LIPA: variants seen among roughly 807,000 people sequenced by gnomAD.
LIPA encodes lipase A, lysosomal acid type.
LIPA carries 26 observed loss-of-function variants against 40.6 expected under a neutral mutation model. The observed-to-expected ratio is 0.64, with a 90% CI of 0.47 to 0.89. The LOEUF is 0.89. Among genes scored for constraint, LIPA ranks in the 40% least tolerant of loss-of-function variants. LIPA has a pLI of 0.00. For synonymous variants in LIPA, 188 were observed against 168.4 expected (o/e 1.12, Z -0.90); for missense variants, 455 against 479.6 (o/e 0.95, Z 0.48).
chr10:89,322,940 C>T (rs1259335939), intron 1 of LIPA, among the ~76,000 whole-genome samples: 1 of 152,174 alleles, frequency 6.6e-6, no homozygotes, highest in Non-Finnish European at 1.5e-5. Flanking sequence ...CCCAGTGGTT[C>T]CACTTCTGTC....
chr10:89,308,426 C>T (rs1025631974), intron 1 of LIPA: 4 of 152,076 alleles, frequency 2.6e-5, no homozygotes, highest in Admixed American at 2.0e-4. Flanking sequence ...GACTAAGGGC[C>T]TGGTGCAAGG....
At chr10:89,389,911 A>T (rs1844233353) in intron 2 of LIPA, among the ~76,000 whole-genome samples, 1 of 151,888 alleles carries the variant, frequency 6.6e-6, no homozygotes, top group African/African-American at 2.4e-5. Context: ...CATTAGGGAT[A>T]ATTGAGGCCC....
chr10:89,376,207 A>G (rs966929924), intron 2 of LIPA, among the ~76,000 whole-genome samples: 2 of 150,876 alleles, frequency 1.3e-5, no homozygotes, highest in African/African-American at 4.9e-5. Context: ...AAAAAAAAAA[A>G]AAGAAGAAGA....
chr10:89,313,009 C>T (rs888543008), intron 1 of LIPA, among the ~76,000 whole-genome samples: 3 of 152,100 alleles, frequency 2.0e-5, no homozygotes, highest in South Asian at 2.1e-4. Context: ...TTCAATCACA[C>T]GAGCACACAC....
At position 89,226,961 on chromosome 10, in the gene LIPA, A is replaced by G; in HGVS notation, c.472T>C (p.Phe158Leu). 5 of 1,613,600 alleles carry G rather than the reference A, an allele frequency of 3.1e-6. No individual in the cohort carries two copies. The highest frequency in any genetic ancestry group is 1.7e-4 in the Middle Eastern group (1 of 5,960). ...AKYDLPASINFILNKTGQEQV... is the reference protein window; with the variant it reads ...AKYDLPASINLILNKTGQEQV... ...TCTTGGCCAGTTTTATTCAGAATGA[A>G]GTTAATGGAAGCTGGTAGGTCATAT... The change falls in exon 5 of 10, where the codon TTC (phenylalanine) becomes CTC (leucine). Residue 158 changes from phenylalanine to leucine, a missense_variant. Transcript: ENST00000336233.
intron 1 of LIPA, among the ~76,000 whole-genome samples, chr10:89,295,930 A>G (rs945952225): frequency 6.6e-6 from 1 of 152,248 alleles, no homozygotes; most frequent in Non-Finnish European, 1.5e-5. Flanking sequence ...CTGTGGTAAC[A>G]TTATATACAG....
rs1390561487 is a variant in LIPA at position 89,247,626 on chromosome 10, A to C, written c.23T>G (p.Leu8Trp). 6.2e-7 allele frequency: 1 copy of C among 1,611,500 alleles called. No homozygotes were observed. The highest frequency in any genetic ancestry group is 8.5e-7 in the Non-Finnish European group (1 of 1,177,752). ...GGTCCAGAGAACCAAACAGACCACC[A>C]ACCCCAAGAACCGCATTTTCATTCT... is the stretch of plus-strand genomic sequence containing the variant. MKMRFLG[L>W]VVCLVLWTLH... Residue 8 changes from leucine to tryptophan, a missense_variant, in exon 2 of 10, where the codon TTG (leucine) becomes TGG (tryptophan). Physicochemically the swap from Leu to Trp is moderately conservative, Grantham distance 61. Coordinates refer to ENST00000336233, the MANE Select transcript of LIPA (RefSeq NM_000235.4).
intron 9 of LIPA, 100 bp from the exon 10 acceptor site, chr10:89,215,161 T>C: frequency 4.5e-6 from 4 of 895,568 alleles, no homozygotes; most frequent in Middle Eastern, 2.2e-4. Context: ...TCTAGTAAGT[T>C]TGACTAACAG....
chr10:89,380,592 C>T (rs1844155633), intron 2 of LIPA, among the ~76,000 whole-genome samples: 1 of 152,066 alleles, frequency 6.6e-6, no homozygotes. Context: ...CATCGCCAGG[C>T]CCGGCTAATT....
In LIPA at chr10:89,321,963, G is replaced by A. The variant is rs561822158; in HGVS notation, c.-2+20648C>T. On this transcript the variant is annotated intron_variant, in intron 1 of 5. Transcript: ENST00000282673. ...AAACCATCATTCTGAGCAAACTATC[G>A]CAAGGACAGAAAACCAAACACCGCA... 1.2e-4 allele frequency among the ~76,000 whole-genome samples: 18 copies of A among 152,118 alleles called. No homozygotes were observed. In the East Asian group the frequency reaches 1.5e-3, roughly 13 times the overall value.
chr10:89,231,161 A>C (rs1322858466), intron 3 of LIPA, among the ~76,000 whole-genome samples: 2 of 152,246 alleles, frequency 1.3e-5, no homozygotes, highest in Admixed American at 6.5e-5. Flanking sequence ...AGCTGTGCAA[A>C]ATTAATGTAC....
upstream of LIPA, among the ~76,000 whole-genome samples, chr10:89,346,681 G>T (rs1412458453): frequency 2.0e-5 from 3 of 152,140 alleles, no homozygotes. Flanking sequence ...AAGAGTTTTT[G>T]ATGACCCTGC....
At chr10:89,394,594 A>ATATATATTT (rs1554880744) in intron 2 of LIPA, among the ~76,000 whole-genome samples, 1 of 16,718 alleles carries the variant, frequency 6.0e-5, no homozygotes, top group African/African-American at 3.6e-4. Context: ...ATATATATAT[A>ATATATATTT]TATATATATA....
chr10:89,328,121 C>G, intron 1 of LIPA: 1 of 1,601,268 alleles, frequency 6.2e-7, no homozygotes, highest in Non-Finnish European at 8.6e-7. Flanking sequence ...TTTTTGAGTG[C>G]AAATTGTAAG....
At chr10:89,375,089 T>C (rs1249543049) in intron 2 of LIPA, among the ~76,000 whole-genome samples, 1 of 152,228 alleles carries the variant, frequency 6.6e-6, no homozygotes. Flanking sequence ...TGTCCCACAC[T>C]GTGAAAGCAA....
chr10:89,230,292 G>A (rs188972922), intron 3 of LIPA, among the ~76,000 whole-genome samples: 5 of 152,280 alleles, frequency 3.3e-5, no homozygotes, highest in Admixed American at 6.5e-5. Context: ...CTGACCATGA[G>A]TTTTATCCAC....
chr10:89,376,248 A>G (rs1468913949), intron 2 of LIPA, among the ~76,000 whole-genome samples: 1 of 151,838 alleles, frequency 6.6e-6, no homozygotes, highest in Non-Finnish European at 1.5e-5. Context: ...TCTTCTAGGA[A>G]CTTGTCTCAT....
At chr10:89,353,433 A>C (rs1843970606) in intron 2 of LIPA, among the ~76,000 whole-genome samples, 1 of 152,236 alleles carries the variant, frequency 6.6e-6, no homozygotes, top group Non-Finnish European at 1.5e-5. Context: ...ATCCCTGCAC[A>C]TGTAGACAGC....
chr10:89,269,526 G>A (rs1235311646), intron 1 of LIPA, among the ~76,000 whole-genome samples: 5 of 151,354 alleles, frequency 3.3e-5, no homozygotes, highest in African/African-American at 7.3e-5. Flanking sequence ...CAACATATTC[G>A]ACAAATAAAA....
Sources: allele counts gnomAD v4.1 joint callset (sites outside exome capture counted in the v4.1 genomes callset), GRCh38; gene constraint gnomAD v4.1.1; transcripts MANE v1.5; gene names NCBI Gene and HGNC (gene_info 2026-07-23, HGNC 2026-07-21).